Variants in GSTA3 observed in about 807,000 individuals in gnomAD.
GSTA3 encodes the protein glutathione S-transferase alpha 3, also known as glutathione S-transferase A3.
A neutral mutation model predicts 23.1 loss-of-function variants in GSTA3; 16 were observed. The ratio of observed to expected loss-of-function variants is 0.69; its 90% confidence interval spans 0.47 to 1.05. The LOEUF (loss-of-function observed/expected upper bound fraction) is 1.05, where lower values mean the gene tolerates loss of function less well. Among genes scored for constraint, GSTA3 ranks in the 50% least tolerant of loss-of-function variants. The pLI is 0.00. For synonymous variants in GSTA3, 122 were observed against 91.0 expected (o/e 1.34, Z -1.94); for missense variants, 319 against 263.6 (o/e 1.21, Z -1.46).
chr6:52,906,162 T>G (rs1469149071), intron 1 of GSTA3, among the ~76,000 whole-genome samples: 1 of 152,244 alleles, frequency 6.6e-6, no homozygotes, highest in African/African-American at 2.4e-5. Flanking sequence ...TTCATGTGCC[T>G]TATAAAAACT....
At chr6:52,898,771 G>A (rs552358045) in intron 5 of GSTA3, among the ~76,000 whole-genome samples, 17 of 152,210 alleles carry the variant, frequency 1.1e-4, no homozygotes, top group Middle Eastern at 3.4e-3. Flanking sequence ...AGAAGGGTGC[G>A]CTCTCACAGA....
In GSTA3 at chr6:52,902,385, T is replaced by C. The variant is rs1280326612; in HGVS notation, c.233A>G (p.Lys78Arg). Reference protein sequence around the residue: ...TRAILNYIASKYNLYGKDIKE... With the variant: ...TRAILNYIASRYNLYGKDIKE... ...TATGTCTTTCCCGTAGAGGTTGTAT[T>C]TGCTGGCAATGTAGTTGAGAATGGC... Residue 78 changes from lysine to arginine, a missense_variant, in exon 4 of 7, where the codon AAA becomes AGA. Coordinates refer to ENST00000211122, the MANE Select transcript of GSTA3 (RefSeq NM_000847.5). 1 of 1,614,056 alleles carries C rather than the reference T, an allele frequency of 6.2e-7. No individual in the cohort carries two copies. Among genetic ancestry groups the C allele is most frequent in the Admixed American group, 1.7e-5 (1 of 60,022 alleles).
At chr6:52,905,944 G>C (rs898426428) in intron 1 of GSTA3, 89 bp from the exon 2 acceptor site, 4 of 596,996 alleles carry the variant, frequency 6.7e-6, no homozygotes, top group African/African-American at 5.7e-5. Context: ...TTGAACAACA[G>C]GAGTGTCTTC....
At chr6:52,898,004 G>C in intron 5 of GSTA3, 48 bp from the exon 6 acceptor site, 1 of 1,608,898 alleles carries the variant, frequency 6.2e-7, no homozygotes, top group Non-Finnish European at 8.5e-7. Context: ...CACCCAGGAT[G>C]GGACCCCTGC....
chr6:52,900,139 A>C, intron 4 of GSTA3, 64 bp from the exon 5 acceptor site: 5 of 1,426,284 alleles, frequency 3.5e-6, no homozygotes, highest in Non-Finnish European at 4.8e-6. Flanking sequence ...GGTTTATAAA[A>C]ACCTAAGAGA....
chr6:52,906,622 T>C (rs938329644), intron 1 of GSTA3, among the ~76,000 whole-genome samples: 1 of 151,966 alleles, frequency 6.6e-6, no homozygotes. Flanking sequence ...GAGATATAGA[T>C]CAATGGAACA....
chr6:52,898,693 G>A (rs561936485), intron 5 of GSTA3, among the ~76,000 whole-genome samples: 8 of 152,180 alleles, frequency 5.3e-5, no homozygotes, highest in East Asian at 3.9e-4. Flanking sequence ...TTTCAGTGAC[G>A]CAAAAAGAAT....
At chr6:52,907,446 C>T (rs1344135144) in intron 1 of GSTA3, among the ~76,000 whole-genome samples, 4 of 148,326 alleles carry the variant, frequency 2.7e-5, no homozygotes, top group Non-Finnish European at 5.9e-5. Flanking sequence ...CTAGAAATAC[C>T]ATTTGACCCA....
intron 1 of GSTA3, among the ~76,000 whole-genome samples, chr6:52,909,281 G>A (rs961197695): frequency 1.5e-4 from 23 of 152,156 alleles, no homozygotes; most frequent in Non-Finnish European, 2.8e-4. Flanking sequence ...GTTGACTCCT[G>A]TGAATCACAG....
chr6:52,900,264 C>CTTTTTTTTTTTTTTTTT (rs368457261), intron 4 of GSTA3, among the ~76,000 whole-genome samples, 189 bp from the exon 5 acceptor site: 1 of 133,458 alleles, frequency 7.5e-6, no homozygotes, highest in Non-Finnish European at 1.6e-5. Context: ...CTTTCTTTTT[C>CTTTTTTTTTTTTTTTTT]TTTTTTTTTT....
Position 52,899,850 on chromosome 6 carries a change from G to T in GSTA3, c.414+84C>A, listed in dbSNP as rs1010479050. The T allele has an allele frequency of 2.8e-5, 36 of 1,269,184 alleles. No homozygotes were observed. The South Asian group carries it at 4.1e-4, about 14-fold the overall frequency. 78.6% of individuals were successfully genotyped at this position (1,269,184 alleles called of 1,614,324 possible). On this transcript the variant is annotated intron_variant, in intron 5 of 6. Coordinates refer to ENST00000211122, the MANE Select transcript of GSTA3 (RefSeq NM_000847.5). ...TCAGGAAGTCTCACTGAAAGTGAAG[G>T]TCAGTGCCCCAGGAATGCCCAGCCA... is the stretch of plus-strand genomic sequence containing the variant.
intron 4 of GSTA3, 27 bp from the exon 5 acceptor site, chr6:52,900,102 C>T (rs779749663): frequency 6.3e-7 from 1 of 1,586,654 alleles, no homozygotes; most frequent in Non-Finnish European, 8.6e-7. Flanking sequence ...GCCAAAGCAT[C>T]AAATGCCTCT....
At chr6:52,905,177 G>A (rs909594255) in intron 2 of GSTA3, among the ~76,000 whole-genome samples, 6 of 152,054 alleles carry the variant, frequency 3.9e-5, no homozygotes, top group Non-Finnish European at 8.8e-5. Flanking sequence ...AAAATACAAT[G>A]GTCCTCTTTG....
chr6:52,903,633 T>C (rs1419580964), intron 3 of GSTA3, 43 bp downstream of exon 3: 3 of 1,032,012 alleles, frequency 2.9e-6, no homozygotes, highest in Admixed American at 3.7e-5. Flanking sequence ...GTACCTTCTC[T>C]ACTAGATACC....
At chr6:52,908,930 GA>G (rs1765981961) in intron 1 of GSTA3, among the ~76,000 whole-genome samples, 1 of 152,110 alleles carries the variant, frequency 6.6e-6, no homozygotes. Flanking sequence ...GAAGGAGGAG[GA>G]GGAAGAAGAG....
rs994918754 is a variant in GSTA3 at position 52,902,438 on chromosome 6, A to G, written c.180T>C (p.Ile60=). The change falls in exon 4 of 7, where the codon ATT becomes ATC. Residue 60 remains isoleucine, a synonymous_variant. Transcript: ENST00000211122. ...TGGTCTGTACCAACTTCATCCCATC[A>G]ATCTCAACCATTGGTACTTGCTGGA... ...LMFQQVPMVE[I]DGMKLVQTRA... 6.8e-6 allele frequency: 11 copies of G among 1,613,750 alleles called. No homozygotes were observed. In the African/African-American group the frequency reaches 1.5e-4, roughly 22 times the overall value.
chr6:52,903,323 C>T (rs944004243), intron 3 of GSTA3, among the ~76,000 whole-genome samples: 1 of 151,802 alleles, frequency 6.6e-6, no homozygotes, highest in African/African-American at 2.4e-5. Flanking sequence ...CACGGTGGCT[C>T]ACACCTGTAA....
At chr6:52,899,437 TA>T (rs1357210143) in intron 5 of GSTA3, among the ~76,000 whole-genome samples, 2 of 152,152 alleles carry the variant, frequency 1.3e-5, no homozygotes, top group Non-Finnish European at 2.9e-5. Flanking sequence ...AAATGAGTTT[TA>T]AAAAATCTTC....
At chr6:52,903,799 G>T in intron 2 of GSTA3, 72 bp from the exon 3 acceptor site, 1 of 826,160 alleles carries the variant, frequency 1.2e-6, no homozygotes, top group Non-Finnish European at 2.1e-6. Flanking sequence ...ACCTTGAATG[G>T]CCTCCATCTG....
Sources: gnomAD v4.1 joint callset for allele counts (sites outside exome capture counted in the v4.1 genomes callset) on GRCh38, gnomAD v4.1.1 for gene constraint, MANE v1.5 for transcripts, NCBI Gene and HGNC (gene_info 2026-07-23, HGNC 2026-07-21) for gene names.